Variants in ERC1 observed in about 807,000 individuals in gnomAD.
ERC1 encodes RAB6 interacting protein 2.
Under a neutral mutation model 132.0 loss-of-function variants are expected in ERC1, and 56 were observed. The ratio of observed to expected loss-of-function variants is 0.42; its 90% CI spans 0.34 to 0.53. The LOEUF is 0.53. Ranked by LOEUF, ERC1 falls within the 20% of genes least tolerant of loss-of-function variation. ERC1 has a pLI of 0.03. For missense variants in ERC1, 1,202 were observed against 1,349.9 expected (o/e 0.89, Z 1.72); for synonymous variants, 478 against 476.1 (o/e 1.00, Z -0.05).
intron 12 of ERC1, among the ~76,000 whole-genome samples, chr12:1,215,456 C>G (rs1008195424): frequency 2.6e-5 from 4 of 152,090 alleles, no homozygotes; most frequent in African/African-American, 4.8e-5. Flanking sequence ...GTACTTTGCA[C>G]TATGTCTTTT....
At chr12:1,037,021 G>A (rs1969217450) in intron 2 of ERC1, among the ~76,000 whole-genome samples, 1 of 152,186 alleles carries the variant, frequency 6.6e-6, no homozygotes, top group South Asian at 2.1e-4. Flanking sequence ...GCATTTATCA[G>A]GTCTTGATCA....
intron 3 of ERC1, among the ~76,000 whole-genome samples, chr12:1,101,844 C>T (rs1345640724): frequency 6.6e-6 from 1 of 152,174 alleles, no homozygotes; most frequent in African/African-American, 2.4e-5. Flanking sequence ...GGGTTGTTCA[C>T]CAAACAAGAG....
chr12:1,244,507 T>C (rs1380430667), intron 13 of ERC1: 2 of 437,460 alleles, frequency 4.6e-6, no homozygotes, highest in African/African-American at 4.3e-5. Context: ...GGTTTGTTTG[T>C]TTGTTTGTTT....
chr12:1,034,102 T>A (rs1020572989), intron 2 of ERC1, among the ~76,000 whole-genome samples: 3 of 152,190 alleles, frequency 2.0e-5, no homozygotes, highest in African/African-American at 7.2e-5. Flanking sequence ...AAAATGAGAT[T>A]GGTAAATTTG....
At chr12:1,228,952 A>G (rs1332327799) in intron 12 of ERC1, among the ~76,000 whole-genome samples, 1 of 152,142 alleles carries the variant, frequency 6.6e-6, no homozygotes. Context: ...TTTCATCAGT[A>G]CTATTGACCT....
At chr12:1,487,757 CAAG>C (rs2094251282) in intron 18 of ERC1, among the ~76,000 whole-genome samples, 1 of 131,722 alleles carries the variant, frequency 7.6e-6, no homozygotes, top group Admixed American at 7.9e-5. Flanking sequence ...GGGTAGGAGG[CAAG>C]GAGGGAGGGA....
At chr12:1,070,381 G>A (rs1445939412) in intron 2 of ERC1, among the ~76,000 whole-genome samples, 2 of 151,536 alleles carry the variant, frequency 1.3e-5, no homozygotes, top group African/African-American at 4.9e-5. Flanking sequence ...GTTCACTGCA[G>A]CCTCAGACTC....
chr12:1,015,102 T>C (rs565886708), intron 1 of ERC1, among the ~76,000 whole-genome samples: 1 of 145,792 alleles, frequency 6.9e-6, no homozygotes, highest in Non-Finnish European at 1.5e-5. Context: ...ACAGTCTTGC[T>C]CTGTTGCCCA....
At chr12:1,168,508 G>T (rs562915961) in intron 8 of ERC1, among the ~76,000 whole-genome samples, 88 of 143,738 alleles carry the variant, frequency 6.1e-4, no homozygotes, top group Admixed American at 2.4e-3. Context: ...TTTGGAGGAG[G>T]AGTCTTGCTT....
intron 16 of ERC1, among the ~76,000 whole-genome samples, chr12:1,386,233 T>C (rs2089328685): frequency 6.6e-6 from 1 of 150,478 alleles, no homozygotes; most frequent in African/African-American, 2.4e-5. Context: ...GAGACAGGGT[T>C]TCACCATATT....
At chr12:1,215,383 A>G (rs1958301589) in intron 12 of ERC1, among the ~76,000 whole-genome samples, 1 of 152,208 alleles carries the variant, frequency 6.6e-6, no homozygotes, top group Non-Finnish European at 1.5e-5. Flanking sequence ...AACTTGGACA[A>G]TAGTAATAAG....
chr12:1,252,305 C>G (rs1211461149), intron 13 of ERC1, among the ~76,000 whole-genome samples: 1 of 152,108 alleles, frequency 6.6e-6, no homozygotes, highest in African/African-American at 2.4e-5. Flanking sequence ...AGGTCAGCCT[C>G]TTATGGGCCA....
chr12:1,095,184 C>T (rs1943853902), intron 3 of ERC1, among the ~76,000 whole-genome samples: 1 of 152,042 alleles, frequency 6.6e-6, no homozygotes, highest in Admixed American at 6.6e-5. Flanking sequence ...AATCCCAGCA[C>T]TTTGGGAGGC....
At chr12:1,016,991 A>G (rs950418505) in intron 1 of ERC1, among the ~76,000 whole-genome samples, 1 of 148,594 alleles carries the variant, frequency 6.7e-6, no homozygotes, top group African/African-American at 2.5e-5. Flanking sequence ...GGAATTTTTG[A>G]ATATTTTTAT....
intron 1 of ERC1, among the ~76,000 whole-genome samples, chr12:1,001,853 C>A (rs956387997): frequency 6.4e-5 from 7 of 109,134 alleles, no homozygotes; most frequent in African/African-American, 1.2e-4. Context: ...CTTGTAAAGT[C>A]TTTTTTTTTT....
intron 2 of ERC1, among the ~76,000 whole-genome samples, chr12:1,071,866 C>T (rs545460684): frequency 6.6e-5 from 10 of 152,116 alleles, no homozygotes; most frequent in Admixed American, 3.3e-4. Context: ...TTTGGGAGGC[C>T]GAGGCTGGCA....
At chr12:1,306,100 A>C (rs1213405602) in intron 15 of ERC1, among the ~76,000 whole-genome samples, 1 of 152,204 alleles carries the variant, frequency 6.6e-6, no homozygotes, top group Non-Finnish European at 1.5e-5. Context: ...GTATACTTTA[A>C]AGAAAAAAAA....
At chr12:1,310,426 C>T (rs112797387) in intron 15 of ERC1, among the ~76,000 whole-genome samples, 5,260 of 152,206 alleles carry the variant, frequency 0.035, 96 homozygotes, top group Middle Eastern at 0.068. Flanking sequence ...CCAGGCTCGT[C>T]TCGAACTCCT....
intron 15 of ERC1, among the ~76,000 whole-genome samples, chr12:1,368,314 T>G (rs2154373262): frequency 6.6e-6 from 1 of 152,348 alleles, no homozygotes; most frequent in South Asian, 2.1e-4. Flanking sequence ...TTCTGGTAAT[T>G]TTTATTTTCT....
Sources: gnomAD v4.1 joint callset for allele counts (sites outside exome capture counted in the v4.1 genomes callset) on GRCh38, gnomAD v4.1.1 for gene constraint, MANE v1.5 for transcripts, NCBI Gene and HGNC (gene_info 2026-07-23, HGNC 2026-07-21) for gene names.